DIP2A: variants seen among roughly 807,000 people sequenced by gnomAD.
DIP2A encodes DIP2 acetate--CoA ligase A, also known as disco-interacting protein 2 homolog A.
In DIP2A, 85 loss-of-function variants were observed where a neutral mutation model predicts 177.4. That is an observed-to-expected ratio of 0.48 (90% CI 0.40 to 0.57). The LOEUF (loss-of-function observed/expected upper bound fraction) is 0.57, where lower values mean the gene tolerates loss of function less well. DIP2A is among the 20% of genes least tolerant of loss of function. The probability of loss-of-function intolerance (pLI) is 0.00; values close to 1 mark genes in which losing one functional copy is unlikely to be tolerated. For missense variants in DIP2A, 1,791 were observed against 2,100.2 expected (o/e 0.85, Z 2.88); for synonymous variants, 886 against 881.8 (o/e 1.00, Z -0.08).
intron 1 of DIP2A, among the ~76,000 whole-genome samples, chr21:46,473,721 G>A (rs1473363427): frequency 1.3e-5 from 2 of 151,950 alleles, no homozygotes; most frequent in Non-Finnish European, 2.9e-5. Context: ...TCACCATGTT[G>A]GCCAGGCTGG....
chr21:46,542,357 C>T (rs2059853382), intron 18 of DIP2A, among the ~76,000 whole-genome samples: 1 of 152,232 alleles, frequency 6.6e-6, no homozygotes, highest in Non-Finnish European at 1.5e-5. Flanking sequence ...CATTTAACCC[C>T]ATGGCAACCA....
intron 1 of DIP2A, 48 bp downstream of exon 1, chr21:46,459,270 T>TC (rs1164344360): frequency 6.4e-6 from 9 of 1,406,408 alleles, no homozygotes; most frequent in Non-Finnish European, 8.4e-6. Context: ...CTCAGCCCGG[T>TC]CCCCCGCGCA....
chr21:46,498,686 G>T lies in DIP2A; in HGVS notation c.508G>T (p.Val170Phe), dbSNP rs747314765. 1.7e-5 allele frequency: 28 copies of T among 1,613,852 alleles called. No individual in the cohort carries two copies. Among genetic ancestry groups the T allele is most frequent in the Non-Finnish European group, 2.4e-5 (28 of 1,179,898 alleles). ...CAGCGTCGAGCCCTGGCTCGACCGG[G>T]TCATTCAGGGCTCGTCCACCTCATC... ...HSSVEPWLDR[V>F]IQGSSTSSSA... Residue 170 changes from valine (V) to phenylalanine (F), a missense_variant, in exon 5 of 38, where the codon GTC becomes TTC. Transcript: ENST00000417564. This position sits in a 1 kb window ranked among gnomAD's most constrained non-coding sequence, Gnocchi z 4.3.
rs58546395 is a variant in DIP2A at position 46,464,844 on chromosome 21, T to TTTTTTTTTTTTTTTTTTTC, written c.91+5622_91+5623insTTTTTTTTTTTTTTTTTTC. Among the ~76,000 whole-genome samples, 16 of 111,230 alleles carry TTTTTTTTTTTTTTTTTTTC rather than the reference T, an allele frequency of 1.4e-4. 3 individuals are homozygous for TTTTTTTTTTTTTTTTTTTC. Among genetic ancestry groups the TTTTTTTTTTTTTTTTTTTC allele is most frequent in the African/African-American group, 6.3e-4 (15 of 23,996 alleles). The allele number at this position is 111,230 out of a possible 152,430, so 73.0% of individuals were successfully genotyped here. A position where few individuals can be genotyped will look rare whatever the true frequency, so the allele number is the denominator to read the frequency against. The stretch of plus-strand genomic sequence containing the variant: ...TTTTTTTTTTTTTTTTTTTTTTTTT[T>TTTTTTTTTTTTTTTTTTTC]CAAGAAAACACACAACAAATGTCAG... On this transcript the variant is annotated intron_variant, in intron 1 of 37. Transcript: ENST00000417564.
chr21:46,483,584 A>G (rs1313087933), intron 1 of DIP2A, among the ~76,000 whole-genome samples: 1 of 152,268 alleles, frequency 6.6e-6, no homozygotes, highest in Non-Finnish European at 1.5e-5. Context: ...CTTCTTCTGT[A>G]GGATGGCATA....
chr21:46,461,667 G>C (rs958637523), intron 1 of DIP2A, among the ~76,000 whole-genome samples: 1 of 152,204 alleles, frequency 6.6e-6, no homozygotes, highest in South Asian at 2.1e-4. Context: ...TGTCATCTTA[G>C]AGATATGTAG....
chr21:46,478,400 T>A (rs892301414), intron 1 of DIP2A, among the ~76,000 whole-genome samples: 1 of 151,840 alleles, frequency 6.6e-6, no homozygotes, highest in African/African-American at 2.4e-5. Context: ...TTAGTAGAGA[T>A]AGGGTTTCTC....
In DIP2A at chr21:46,566,688, G is replaced by A; in HGVS notation, c.4463+5G>A. ...ACACAGGAGCATCGCTGAGTGGTAA[G>A]AGCCCAGGTGGAGGGCGGCTTCACG... On this transcript the variant is annotated splice_donor_5th_base_variant and intron_variant, in intron 37 of 37. Coordinates refer to ENST00000417564, the MANE Select transcript of DIP2A (RefSeq NM_015151.4). 1.2e-6 allele frequency: 2 copies of A among 1,614,088 alleles called. No homozygotes were observed. Among genetic ancestry groups the A allele is most frequent in the Non-Finnish European group, 1.7e-6 (2 of 1,179,952 alleles).
At chr21:46,511,317 T>C in intron 7 of DIP2A, 100 bp from the exon 8 acceptor site, 2 of 1,223,734 alleles carry the variant, frequency 1.6e-6, no homozygotes, top group Non-Finnish European at 2.2e-6. Context: ...TTTTTATAGT[T>C]GGGATTAAAA....
At chr21:46,581,985 A>G in the DIP2A span, among the ~76,000 whole-genome samples, 6 of 152,182 alleles carry the variant, frequency 3.9e-5, no homozygotes, top group African/African-American at 1.4e-4. Flanking sequence ...GGTGCACTGC[A>G]CTGGAGGGAC....
chr21:46,459,696 TCATACAAGGACCCCTCCCC>T (rs964753074), intron 1 of DIP2A, among the ~76,000 whole-genome samples: 5 of 147,846 alleles, frequency 3.4e-5, no homozygotes, highest in Admixed American at 1.3e-4. Flanking sequence ...GCCCCGCCTC[TCATACAAGGACCCCTCCCC>T]CATACAAGGA....
chr21:46,517,852 C>T (rs531454142), intron 8 of DIP2A, among the ~76,000 whole-genome samples: 5 of 152,366 alleles, frequency 3.3e-5, no homozygotes, highest in South Asian at 2.1e-4. Flanking sequence ...ACATGGACAG[C>T]GTAAAGACAG....
chr21:46,464,844 T>TTTCCC (rs58546395), intron 1 of DIP2A, among the ~76,000 whole-genome samples: 2 of 111,218 alleles, frequency 1.8e-5, no homozygotes, highest in African/African-American at 8.4e-5. Context: ...TTTTTTTTTT[T>TTTCCC]CAAGAAAACA....
chr21:46,550,561 C>G lies in DIP2A; in HGVS notation c.2656C>G (p.Gln886Glu). 1.9e-6 allele frequency: 3 copies of G among 1,613,294 alleles called. No homozygotes were observed. In the South Asian group the frequency reaches 3.3e-5, roughly 18 times the overall value. Reference sequence around the variant, plus strand: ...CTTTCAGGCCATTGATAGCATCCACCAGGTGGGCGTGTACTGTCTGGCCCT... The same window carrying G: ...CTTTCAGGCCATTGATAGCATCCACGAGGTGGGCGTGTACTGTCTGGCCCT... ...RVLQAIDSIH[Q>E]VGVYCLALVP... Residue 886 changes from glutamine (Q) to glutamate (E), a missense_variant, in exon 23 of 38, where the codon CAG becomes GAG. Coordinates refer to ENST00000417564, the MANE Select transcript of DIP2A (RefSeq NM_015151.4).
chr21:46,549,335 A>G (rs1240161480), intron 21 of DIP2A, among the ~76,000 whole-genome samples: 3 of 152,252 alleles, frequency 2.0e-5, no homozygotes, highest in East Asian at 1.9e-4. Context: ...AAAGGAGGAC[A>G]TGTTGAAATT....
intron 7 of DIP2A, among the ~76,000 whole-genome samples, chr21:46,510,115 C>A (rs957202509): frequency 1.3e-5 from 2 of 152,136 alleles, no homozygotes; most frequent in African/African-American, 4.8e-5. Flanking sequence ...AGGTGAGGTC[C>A]CACAGTAAGC....
intron 25 of DIP2A, 127 bp from the exon 26 acceptor site, chr21:46,554,042 G>C (rs2060365163): frequency 1.5e-6 from 2 of 1,292,400 alleles, no homozygotes; most frequent in Non-Finnish European, 2.1e-6. Context: ...CTGACACATT[G>C]TCATTATCAT....
In DIP2A at chr21:46,566,423, C is replaced by T. The variant is rs934338203; in HGVS notation, c.4340-137C>T. 3.7e-5 allele frequency: 43 copies of T among 1,159,110 alleles called. No homozygotes were observed. In the East Asian group the frequency reaches 8.4e-4, roughly 23 times the overall value. 71.8% of individuals were successfully genotyped at this position (1,159,110 alleles called of 1,614,324 possible). A position where few individuals can be genotyped will look rare whatever the true frequency, so the allele number is the denominator to read the frequency against. On this transcript the variant is annotated intron_variant, in intron 36 of 37. Transcript: ENST00000417564. The stretch of plus-strand genomic sequence containing the variant: ...CAGGACCTCCATCACCCTTTCTGCA[C>T]GTGGTGTGCGACCTCATGATGTTTC...
Position 46,495,229 on chromosome 21 carries a change from C to CTT in DIP2A, c.284-1758_284-1757dup, listed in dbSNP as rs1313144772. ...CTTCTCTTCTCTTCTCTTCTCTTCT[C>CTT]TTCTCTTCTCTTCTTTCTCTCTCTC... is the stretch of plus-strand genomic sequence containing the variant. On this transcript the variant is annotated intron_variant, in intron 3 of 37. Coordinates refer to ENST00000417564, the MANE Select transcript of DIP2A (RefSeq NM_015151.4). Among the ~76,000 whole-genome samples the CTT allele has an allele frequency of 7.0e-4, 47 of 66,756 alleles. 2 individuals carry two copies. Among genetic ancestry groups the CTT allele is most frequent in the African/African-American group, 4.5e-3 (43 of 9,630 alleles). The allele number at this position is 66,756 out of a possible 152,430, so 43.8% of individuals were successfully genotyped here.
Sources: gnomAD v4.1 joint callset for allele counts (sites outside exome capture counted in the v4.1 genomes callset) on GRCh38, gnomAD v4.1.1 for gene constraint, Gnocchi (gnomAD v3.1) non-coding constraint, MANE v1.5 for transcripts, NCBI Gene and HGNC (gene_info 2026-07-23, HGNC 2026-07-21) for gene names.